SLC7A9: variants seen among roughly 807,000 people sequenced by gnomAD.
SLC7A9 encodes the protein solute carrier family 7 member 9.
Under a neutral mutation model 54.1 loss-of-function variants are expected in SLC7A9, and 38 were observed. That is an observed-to-expected ratio of 0.70 (90% CI 0.54 to 0.92). The LOEUF is 0.92. Among genes scored for constraint, SLC7A9 ranks in the 40% least tolerant of loss-of-function variants. The probability of loss-of-function intolerance (pLI) is 0.00; values close to 1 mark genes in which losing one functional copy is unlikely to be tolerated. For synonymous variants in SLC7A9, 264 were observed against 258.9 expected (o/e 1.02, Z -0.19); for missense variants, 537 against 636.1 (o/e 0.84, Z 1.68).
At position 32,868,598 on chromosome 19, in the gene SLC7A9, C is replaced by T; in HGVS notation, c.-64G>A. The stretch of plus-strand genomic sequence containing the variant: ...GCACAGCTAAATCTTGGTTCAGCAG[C>T]AGCAGACAAGACGCAAGTGCAAGCT... On this transcript the variant is annotated 5_prime_UTR_variant, in exon 2 of 13. Transcript: ENST00000023064. 7.1e-7 allele frequency: 1 copy of T among 1,412,608 alleles called. No homozygotes were observed. Among genetic ancestry groups the T allele is most frequent in the Non-Finnish European group, 1.0e-6 (1 of 996,908 alleles). The allele number at this position is 1,412,608 out of a possible 1,614,324, so 87.5% of individuals were successfully genotyped here. A position where few individuals can be genotyped will look rare whatever the true frequency, so the allele number is the denominator to read the frequency against.
chr19:32,840,438 C>T (rs1377711839), intron 11 of SLC7A9, among the ~76,000 whole-genome samples: 1 of 152,194 alleles, frequency 6.6e-6, no homozygotes, highest in African/African-American at 2.4e-5. Flanking sequence ...ACTGGGATTA[C>T]AGGTGTGAGC....
At chr19:32,845,062 G>T (rs1968245901) in intron 9 of SLC7A9, among the ~76,000 whole-genome samples, 3 of 151,884 alleles carry the variant, frequency 2.0e-5, no homozygotes, top group Non-Finnish European at 4.4e-5. Flanking sequence ...TGCTTAGGAG[G>T]CTGAGGCAGG....
chr19:32,833,341 G>T lies in SLC7A9; in HGVS notation c.1225-18C>A. On this transcript the variant is annotated intron_variant, in intron 11 of 12. Coordinates refer to ENST00000023064, the MANE Select transcript of SLC7A9 (RefSeq NM_014270.5). Reference sequence around the variant, plus strand: ...ACGGGCACCTGGAGACGAAAAACAGGTCATGGGTACCCATTTTCTTTTTGA... The same window carrying T: ...ACGGGCACCTGGAGACGAAAAACAGTTCATGGGTACCCATTTTCTTTTTGA... 1.9e-6 allele frequency: 3 copies of T among 1,613,650 alleles called. No homozygotes were observed. The highest frequency in any genetic ancestry group is 3.3e-5 in the Admixed American group (2 of 60,006).
In SLC7A9 at chr19:32,864,884, A is replaced by C. The variant is rs1279658414; in HGVS notation, c.88-108T>G. 38 of 1,457,948 alleles carry C rather than the reference A, an allele frequency of 2.6e-5. No individual in the cohort carries two copies. The East Asian group carries it at 8.6e-4, about 33-fold the overall frequency. The allele number at this position is 1,457,948 out of a possible 1,614,324, so 90.3% of individuals were successfully genotyped here. Reference sequence around the variant, plus strand: ...GCCAGGGCGGCCCCAGCCAAAGCCCATGTCCCAGGCGCTTCCACCCTGAGC... The same window carrying C: ...GCCAGGGCGGCCCCAGCCAAAGCCCCTGTCCCAGGCGCTTCCACCCTGAGC... On this transcript the variant is annotated intron_variant, in intron 2 of 12. Transcript: ENST00000023064.
At chr19:32,863,982 A>G in intron 4 of SLC7A9, 114 bp downstream of exon 4, 2 of 1,539,842 alleles carry the variant, frequency 1.3e-6, no homozygotes, top group Non-Finnish European at 1.8e-6. Flanking sequence ...GGCTGATGCC[A>G]GGCCCTGCCT....
At chr19:32,860,171 G>A in intron 7 of SLC7A9, 1 of 1,505,630 alleles carries the variant, frequency 6.6e-7, no homozygotes, top group South Asian at 1.2e-5. Flanking sequence ...ATAAGCCAGA[G>A]ATAAAGGAAG....
intron 9 of SLC7A9, among the ~76,000 whole-genome samples, chr19:32,847,577 A>G (rs376601395): frequency 1.3e-5 from 2 of 152,184 alleles, no homozygotes; most frequent in African/African-American, 4.8e-5. Flanking sequence ...ACCTGAAAGT[A>G]ACGGGGAGAA....
At chr19:32,851,190 A>C (rs1162923636) in intron 9 of SLC7A9, among the ~76,000 whole-genome samples, 2 of 152,166 alleles carry the variant, frequency 1.3e-5, no homozygotes, top group Non-Finnish European at 2.9e-5. Flanking sequence ...TAATTAAACT[A>C]AAGAGCTTCT....
rs1470800624 is a variant in SLC7A9, at chr19:32,858,561, A to G, written c.874-18T>C. The stretch of plus-strand genomic sequence containing the variant: ...CCAAATGTCTGGTGAGAGAAGCGAG[A>G]TGAGTCCTGAGGGTCTTTCTTGGCC... On this transcript the variant is annotated intron_variant, in intron 8 of 12. Coordinates refer to ENST00000023064, the MANE Select transcript of SLC7A9 (RefSeq NM_014270.5). 3.8e-6 allele frequency: 6 copies of G among 1,589,228 alleles called. No individual in the cohort carries two copies. The highest frequency in any genetic ancestry group is 5.2e-6 in the Non-Finnish European group (6 of 1,160,636).
chr19:32,856,484 A>G lies in SLC7A9; in HGVS notation c.977+1956T>C, dbSNP rs185156686. Among the ~76,000 whole-genome samples, 610 of 152,232 alleles carry G rather than the reference A, an allele frequency of 4.0e-3. 3 individuals are homozygous for G. The highest frequency in any genetic ancestry group is 0.014 in the African/African-American group (592 of 41,538). On this transcript the variant is annotated intron_variant, in intron 9 of 12. Transcript: ENST00000023064. ...GCTGGGATTACAGGCGTGAGCCACC[A>G]TGCCCAGCCAGTGAATTTTTAATGT...
intron 11 of SLC7A9, among the ~76,000 whole-genome samples, chr19:32,834,028 C>G (rs992916102): frequency 7.2e-5 from 11 of 152,026 alleles, no homozygotes; most frequent in African/African-American, 2.4e-4. Flanking sequence ...TCCAGAATGA[C>G]AAGTTGGGCC....
intron 9 of SLC7A9, among the ~76,000 whole-genome samples, chr19:32,844,285 T>C (rs562271900): frequency 1.1e-3 from 167 of 152,276 alleles, no homozygotes; most frequent in African/African-American, 3.8e-3. Context: ...CAAATAACTT[T>C]AAAAATTTTT....
intron 9 of SLC7A9, among the ~76,000 whole-genome samples, chr19:32,855,761 C>T (rs751083236): frequency 2.6e-5 from 4 of 152,066 alleles, no homozygotes; most frequent in Non-Finnish European, 5.9e-5. Flanking sequence ...ATCAGTACTG[C>T]ACGTACCCCT....
intron 12 of SLC7A9, 35 bp from the exon 13 acceptor site, chr19:32,830,719 A>C: frequency 6.4e-7 from 1 of 1,571,740 alleles, no homozygotes; most frequent in Non-Finnish European, 8.8e-7. Flanking sequence ...ACAGTTAGTT[A>C]GACTGAAATT....
chr19:32,869,074 T>C (rs1459553336), intron 1 of SLC7A9, among the ~76,000 whole-genome samples: 1 of 141,072 alleles, frequency 7.1e-6, no homozygotes, highest in East Asian at 2.1e-4. Context: ...AAAAAAAAAT[T>C]AGCTGGGTGT....
chr19:32,846,004 A>C (rs1450680300), intron 9 of SLC7A9, among the ~76,000 whole-genome samples: 1 of 152,222 alleles, frequency 6.6e-6, no homozygotes, highest in African/African-American at 2.4e-5. Flanking sequence ...ACTCTGTCTC[A>C]AAAAGATAAA....
In SLC7A9 at chr19:32,862,765, C is replaced by T. The variant is rs1968844688; in HGVS notation, c.479-179G>A. ...ACGATCTCAGCAATCTTTGCCTCCCCGGTTCAAGCAATTCTCCTGCCTCAG... is the reference window on the plus strand; with the variant it reads ...ACGATCTCAGCAATCTTTGCCTCCCTGGTTCAAGCAATTCTCCTGCCTCAG... On this transcript the variant is annotated intron_variant, in intron 4 of 12. Coordinates refer to ENST00000023064, the MANE Select transcript of SLC7A9 (RefSeq NM_014270.5). The T allele has an allele frequency of 8.5e-6, 4 of 470,112 alleles. No homozygotes were observed. In the Admixed American group the frequency reaches 1.3e-4, roughly 15 times the overall value. 29.1% of individuals were successfully genotyped at this position (470,112 alleles called of 1,614,324 possible).
At chr19:32,855,510 A>T (rs8100742) in intron 9 of SLC7A9, among the ~76,000 whole-genome samples, 49,880 of 150,720 alleles carry the variant, frequency 0.33, 8,395 homozygotes, top group African/African-American at 0.4. Context: ...CCATCCTGGC[A>T]AACACGGTGA....
chr19:32,851,887 T>C (rs976483211), intron 9 of SLC7A9, among the ~76,000 whole-genome samples: 4 of 152,082 alleles, frequency 2.6e-5, no homozygotes, highest in African/African-American at 7.2e-5. Context: ...TGGATGAAAC[T>C]GGAAACCATC....
Sources: gnomAD v4.1 joint callset for allele counts (sites outside exome capture counted in the v4.1 genomes callset) on GRCh38, gnomAD v4.1.1 for gene constraint, MANE v1.5 for transcripts, NCBI Gene and HGNC (gene_info 2026-07-23, HGNC 2026-07-21) for gene names.